The following ZNF557 variants were observed in gnomAD, a reference collection of about 807,000 sequenced individuals.
ZNF557 encodes zinc finger protein 557, also known as CTB-25J19.9.
A neutral mutation model predicts 21.2 loss-of-function variants in ZNF557; 19 were observed. That is an observed-to-expected ratio of 0.90 (90% CI 0.63 to 1.32). ZNF557 has a LOEUF of 1.32. ZNF557 is among the 40% of genes most tolerant of loss of function. The pLI is 0.00. For missense variants in ZNF557, 487 were observed against 519.8 expected (o/e 0.94, Z 0.61); for synonymous variants, 207 against 194.8 (o/e 1.06, Z -0.52).
chr19:7,077,088 T>C (rs898328652), intron 5 of ZNF557, among the ~76,000 whole-genome samples: 7 of 151,320 alleles, frequency 4.6e-5, no homozygotes, highest in African/African-American at 1.5e-4. Flanking sequence ...ATACAAAATG[T>C]GGTCTTTTGT....
chr19:7,083,050 G>A lies in ZNF557; in HGVS notation c.599G>A (p.Arg200Lys), dbSNP rs1374346674. 3.7e-6 allele frequency: 6 copies of A among 1,613,948 alleles called. No homozygotes were observed. The highest frequency in any genetic ancestry group is 5.1e-6 in the Non-Finnish European group (6 of 1,179,982). The change falls in exon 8 of 8, where the codon AGA (arginine) becomes AAA (lysine). Residue 200 changes from arginine (R) to lysine (K), a missense_variant. Arg to Lys is a conservative substitution (Grantham distance 26). Coordinates refer to ENST00000252840, the MANE Select transcript of ZNF557 (RefSeq NM_024341.3). Reference sequence around the variant, plus strand: ...AGATCTTACCTTGCTGTTCATAAGAGAATCCACAATGGGGAGAAACCCTAT... The same window carrying A: ...AGATCTTACCTTGCTGTTCATAAGAAAATCCACAATGGGGAGAAACCCTAT... ...SSRSYLAVHK[R>K]IHNGEKPYEC...
rs1440319388 is a variant in ZNF557 at position 7,087,088 on chromosome 19, T to C, written c.*3344T>C. The C allele has an allele frequency of 6.6e-6, 1 of 151,252 alleles. No individual in the cohort carries two copies. The highest frequency in any genetic ancestry group is 1.5e-5 in the Non-Finnish European group (1 of 67,916). The allele number at this position is 151,252 out of a possible 1,614,324, so 9.4% of individuals were successfully genotyped here. On this transcript the variant is annotated 3_prime_UTR_variant, in exon 8 of 8. Coordinates refer to ENST00000252840, the MANE Select transcript of ZNF557 (RefSeq NM_024341.3). ...AGCTTAGACAGGCTTTATCCCACTC[T>C]GCTGGCTAAAAGAAGTAGGAATAAC...
chr19:7,072,364 G>T (rs1026474615), intron 2 of ZNF557, among the ~76,000 whole-genome samples: 13 of 152,076 alleles, frequency 8.5e-5, no homozygotes, highest in African/African-American at 3.1e-4. Flanking sequence ...GGCGGAGGTT[G>T]CAGTGAGCCG....
rs372021312 is a variant in ZNF557, at chr19:7,087,684, A to AAG, written c.*3957_*3958dup. 330 of 149,612 alleles carry AAG rather than the reference A, an allele frequency of 2.2e-3. No homozygotes were observed. The highest frequency in any genetic ancestry group is 7.2e-3 in the African/African-American group (292 of 40,536). The allele number at this position is 149,612 out of a possible 1,614,324, so 9.3% of individuals were successfully genotyped here. A position where few individuals can be genotyped will look rare whatever the true frequency, so the allele number is the denominator to read the frequency against. On this transcript the variant is annotated 3_prime_UTR_variant, in exon 8 of 8. Transcript: ENST00000252840. ...AGTAACCACTAATTGGTTAAAACCA[A>AAG]AGAGAGAGAGAGAGAGAGTGTGTGT...
chr19:7,077,095 T>C (rs1022541260), intron 5 of ZNF557, among the ~76,000 whole-genome samples: 4 of 151,766 alleles, frequency 2.6e-5, no homozygotes, highest in Non-Finnish European at 4.4e-5. Flanking sequence ...ATGTGGTCTT[T>C]TGTGTCTCAC....
chr19:7,072,977 G>A (rs1977492853), intron 2 of ZNF557, among the ~76,000 whole-genome samples: 1 of 152,128 alleles, frequency 6.6e-6, no homozygotes, highest in South Asian at 2.1e-4. Context: ...GTGAGGAAAT[G>A]CTATGCCTGG....
Position 7,087,947 on chromosome 19 carries a change from A to G in ZNF557, c.*4203A>G, listed in dbSNP as rs1472570889. On this transcript the variant is annotated 3_prime_UTR_variant, in exon 8 of 8. Transcript: ENST00000252840. Reference sequence around the variant, plus strand: ...TGATAGAGGTATATTAAAGTCTTCCACTAGCATGGTAGATTAACAAATTCT... The same window carrying G: ...TGATAGAGGTATATTAAAGTCTTCCGCTAGCATGGTAGATTAACAAATTCT... The G allele has an allele frequency of 6.6e-6, 1 of 152,172 alleles. No individual in the cohort carries two copies. Among genetic ancestry groups the G allele is most frequent in the African/African-American group, 2.4e-5 (1 of 41,440 alleles). 9.4% of individuals were successfully genotyped at this position (152,172 alleles called of 1,614,324 possible).
chr19:7,073,404 C>T (rs541207123), intron 2 of ZNF557, among the ~76,000 whole-genome samples: 2 of 152,148 alleles, frequency 1.3e-5, no homozygotes, highest in Non-Finnish European at 2.9e-5. Flanking sequence ...GATCCGCCCA[C>T]CTCGGCCTCC....
chr19:7,072,244 C>CA (rs1977477331), intron 2 of ZNF557, among the ~76,000 whole-genome samples: 1 of 151,596 alleles, frequency 6.6e-6, no homozygotes, highest in East Asian at 1.9e-4. Context: ...GCCAACATGG[C>CA]AAAACACTGT....
intron 2 of ZNF557, among the ~76,000 whole-genome samples, chr19:7,071,987 G>A (rs1158522529): frequency 6.6e-6 from 1 of 151,038 alleles, no homozygotes; most frequent in Admixed American, 6.6e-5. Context: ...GTGGTGGCAG[G>A]CGCCTGTAGT....
chr19:7,074,620 AGAGTGGG>A (rs1977537831), intron 2 of ZNF557, among the ~76,000 whole-genome samples: 2 of 149,978 alleles, frequency 1.3e-5, no homozygotes, highest in Admixed American at 6.7e-5. Flanking sequence ...GGCTGGCATG[AGAGTGGG>A]GAGTGGGGAG....
At position 7,087,885 on chromosome 19, in the gene ZNF557, A is replaced by G. The variant is rs1977903446; in HGVS notation, c.*4141A>G. On this transcript the variant is annotated 3_prime_UTR_variant, in exon 8 of 8. Coordinates refer to ENST00000252840, the MANE Select transcript of ZNF557 (RefSeq NM_024341.3). Reference sequence around the variant, plus strand: ...CATACGTACTCAAACTGTGTTTTTCAATTTGTACTGTATTTGTTTCTCTCG... The same window carrying G: ...CATACGTACTCAAACTGTGTTTTTCGATTTGTACTGTATTTGTTTCTCTCG... 6.6e-6 allele frequency: 1 copy of G among 152,084 alleles called. No homozygotes were observed. The highest frequency in any genetic ancestry group is 2.1e-4 in the South Asian group (1 of 4,836). 9.4% of individuals were successfully genotyped at this position (152,084 alleles called of 1,614,324 possible). A position where few individuals can be genotyped will look rare whatever the true frequency, so the allele number is the denominator to read the frequency against.
chr19:7,079,177 C>T (rs1443512973), intron 5 of ZNF557, among the ~76,000 whole-genome samples: 2 of 151,296 alleles, frequency 1.3e-5, no homozygotes, highest in Non-Finnish European at 1.5e-5. Flanking sequence ...GACTAGGTTT[C>T]CTTATGGAAA....
At chr19:7,081,566 GCC>G (rs1430791024) in intron 6 of ZNF557, 111 bp downstream of exon 6, 1 of 756,154 alleles carries the variant, frequency 1.3e-6, no homozygotes, top group Non-Finnish European at 2.2e-6. Flanking sequence ...CTGTGTAAAT[GCC>G]CCTTTTCCCA....
At position 7,083,200 on chromosome 19, in the gene ZNF557, A is replaced by G; in HGVS notation, c.749A>G (p.Tyr250Cys). 6.2e-7 allele frequency: 1 copy of G among 1,614,144 alleles called. No individual in the cohort carries two copies. The highest frequency in any genetic ancestry group is 1.1e-5 in the South Asian group (1 of 91,084). Residue 250 changes from tyrosine (Y) to cysteine (C), a missense_variant, in exon 8 of 8, where the codon TAC becomes TGC. By Grantham distance (194) the Tyr-to-Cys change is radical. Transcript: ENST00000252840. The stretch of plus-strand genomic sequence containing the variant: ...GGGAAAACCTTCAGCAATTCCTCAT[A>G]CCTCAGACCGCACTTGAGAATTCAC... ...DCGKTFSNSS[Y>C]LRPHLRIHTG...
Position 7,081,431 on chromosome 19 carries a change from G to A in ZNF557, c.319G>A (p.Gly107Arg). The change falls in exon 6 of 8, where the codon GGA becomes AGA. Residue 107 changes from glycine to arginine, a missense_variant. Transcript: ENST00000252840. ...QEDKVMTEER[G>R]ILSGTCPDVE... ...AGATAAAGTGATGACAGAAGAGAGA[G>A]GAATTCTCTCAGGTACCTGTCCAGG... The A allele has an allele frequency of 6.2e-7, 1 of 1,613,244 alleles. No individual in the cohort carries two copies. The highest frequency in any genetic ancestry group is 8.5e-7 in the Non-Finnish European group (1 of 1,179,392).
Position 7,083,263 on chromosome 19 carries a change from G to A in ZNF557, c.812G>A (p.Arg271His), listed in dbSNP as rs568017813. Reference protein sequence around the residue: ...EKPYKCNQCFREFRTQSIFTR... With the variant: ...EKPYKCNQCFHEFRTQSIFTR... ...CCGTACAAATGTAACCAGTGTTTTC[G>A]TGAGTTCCGCACTCAGTCAATCTTC... Residue 271 changes from arginine (R) to histidine (H), a missense_variant, in exon 8 of 8, where the codon CGT becomes CAT. Transcript: ENST00000252840. 2.3e-5 allele frequency: 37 copies of A among 1,614,202 alleles called. No homozygotes were observed. The East Asian group carries it at 2.7e-4, about 12-fold the overall frequency.
Position 7,081,989 on chromosome 19 carries a change from A to C in ZNF557, c.363A>C (p.Lys121Asn). The part of the protein sequence containing the change: ...GTCPDVENPF[K>N]AKGLTPKLHV... ...TTTCAGATGTGGAGAATCCATTTAA[A>C]GCCAAAGGGTTAACTCCTAAGCTGC... The change falls in exon 7 of 8, where the codon AAA (lysine) becomes AAC (asparagine). Residue 121 changes from lysine to asparagine, a missense_variant. Transcript: ENST00000252840. 2 of 1,613,934 alleles carry C rather than the reference A, an allele frequency of 1.2e-6. No homozygotes were observed. The highest frequency in any genetic ancestry group is 1.7e-6 in the Non-Finnish European group (2 of 1,179,836).
chr19:7,078,645 T>C (rs909492441), intron 5 of ZNF557, among the ~76,000 whole-genome samples: 14 of 152,112 alleles, frequency 9.2e-5, no homozygotes, highest in African/African-American at 3.4e-4. Flanking sequence ...TTGGCTAGGC[T>C]GGTCTCGAAC....
Sources: allele counts gnomAD v4.1 joint callset (sites outside exome capture counted in the v4.1 genomes callset), GRCh38; gene constraint gnomAD v4.1.1; transcripts MANE v1.5; gene names NCBI Gene and HGNC (gene_info 2026-07-23, HGNC 2026-07-21).